Variants in MYOM2 observed in about 807,000 individuals in gnomAD.
MYOM2 encodes the protein myomesin-2.
A neutral mutation model predicts 187.6 loss-of-function variants in MYOM2; 254 were observed. That is an observed-to-expected ratio of 1.35 (90% confidence interval 1.22 to 1.50). The LOEUF is 1.50. MYOM2 is among the 40% of genes most tolerant of loss of function. The pLI, the probability that MYOM2 is intolerant of heterozygous loss-of-function variation, is 0.00. For missense variants in MYOM2, 2,796 were observed against 1,924.0 expected (o/e 1.45, Z -8.48); for synonymous variants, 981 against 753.8 (o/e 1.30, Z -4.94).
chr8:2,050,850 G>T lies in MYOM2; in HGVS notation c.84G>T (p.Leu28=), dbSNP rs759238149. ...QSYRNIQTRY[L]LDEYASKKRA... ...ACCGTAATATTCAAACACGGTACCT[G>T]CTGGACGAATATGCGTCAAAAAAGT... The change falls in exon 2 of 37, where the codon CTG becomes CTT. Residue 28 remains leucine (L), a synonymous_variant. Coordinates refer to ENST00000262113, the MANE Select transcript of MYOM2 (RefSeq NM_003970.4). 3.1e-6 allele frequency: 5 copies of T among 1,611,432 alleles called. No individual in the cohort carries two copies. The Admixed American group carries it at 6.7e-5, about 21-fold the overall frequency.
intron 14 of MYOM2, among the ~76,000 whole-genome samples, chr8:2,087,520 C>T (rs953587379): frequency 6.6e-6 from 1 of 152,238 alleles, no homozygotes; most frequent in African/African-American, 2.4e-5. Context: ...GTCAGTCCCT[C>T]TGTGGGGTCT....
chr8:2,096,571 T>A, intron 18 of MYOM2, 137 bp downstream of exon 18: 1 of 880,986 alleles, frequency 1.1e-6, no homozygotes, highest in Admixed American at 2.9e-5. Context: ...CATGAGATCA[T>A]GAAGTTTTGG....
At position 2,076,162 on chromosome 8, in the gene MYOM2, G is replaced by C. The variant is rs1819409624; in HGVS notation, c.1142G>C (p.Gly381Ala). 6.2e-7 allele frequency: 1 copy of C among 1,612,586 alleles called. No individual in the cohort carries two copies. Among genetic ancestry groups the C allele is most frequent in the East Asian group, 2.2e-5 (1 of 44,860 alleles). The change falls in exon 11 of 37, where the codon GGG becomes GCG. Residue 381 changes from glycine to alanine, a missense_variant. By Grantham distance (60) the Gly-to-Ala change is moderately conservative. Transcript: ENST00000262113. ...FVRDADPLVT[G>A]APGAPMDLQC... ...CAAGATGCTGACCCGCTGGTCACAG[G>C]GGCCCCCGGTGCACCCATGGACTTG... is the stretch of plus-strand genomic sequence containing the variant.
rs1818461385 is a variant in MYOM2 at position 2,050,867 on chromosome 8, C to T, written c.101C>T (p.Ser34Leu). The change falls in exon 2 of 37, where the codon TCA (serine) becomes TTA (leucine). Residue 34 changes from serine to leucine, a missense_variant. Physicochemically the swap from Ser to Leu is moderately radical, Grantham distance 145. Coordinates refer to ENST00000262113, the MANE Select transcript of MYOM2 (RefSeq NM_003970.4). The part of the protein sequence containing the change: ...QTRYLLDEYA[S>L]KKRASTQASS... ...CGGTACCTGCTGGACGAATATGCGT[C>T]AAAAAAGTAAGCTGACATTCGCTGA... is the stretch of plus-strand genomic sequence containing the variant. The T allele has an allele frequency of 6.8e-6, 11 of 1,608,180 alleles. No individual in the cohort carries two copies. The highest frequency in any genetic ancestry group is 8.5e-6 in the Non-Finnish European group (10 of 1,175,032).
chr8:2,056,718 C>T (rs1323201612), intron 3 of MYOM2, among the ~76,000 whole-genome samples: 1 of 152,160 alleles, frequency 6.6e-6, no homozygotes, highest in African/African-American at 2.4e-5. Flanking sequence ...AAAACTCACA[C>T]ATGGGGAGCT....
chr8:2,092,826 G>C (rs1452182405), intron 16 of MYOM2, among the ~76,000 whole-genome samples: 4 of 152,108 alleles, frequency 2.6e-5, no homozygotes, highest in African/African-American at 9.7e-5. Context: ...GTTAAAAATA[G>C]TGACTACGAT....
At chr8:2,077,068 T>A (rs955442503) in intron 11 of MYOM2, among the ~76,000 whole-genome samples, 1 of 152,146 alleles carries the variant, frequency 6.6e-6, no homozygotes, top group African/African-American at 2.4e-5. Flanking sequence ...TCCCAGCACT[T>A]TGGGAGGCCA....
At chr8:2,140,677 G>C (rs745534304) in intron 32 of MYOM2, 46 bp from the exon 33 acceptor site, 2 of 1,598,854 alleles carry the variant, frequency 1.3e-6, no homozygotes, top group Admixed American at 1.7e-5. Flanking sequence ...TTGTGCGTGT[G>C]ACATGGAGAC....
intron 20 of MYOM2, 73 bp downstream of exon 20, chr8:2,101,127 CT>C (rs1444755807): frequency 6.6e-7 from 1 of 1,509,260 alleles, no homozygotes; most frequent in Admixed American, 1.8e-5. Flanking sequence ...GGGCCAATCA[CT>C]TGAGGTCAGG....
intron 32 of MYOM2, among the ~76,000 whole-genome samples, chr8:2,133,215 C>T (rs757196300): frequency 6.6e-6 from 1 of 152,204 alleles, no homozygotes; most frequent in Non-Finnish European, 1.5e-5. Context: ...TTGTGGGGCT[C>T]TTCCCAAAGG....
intron 16 of MYOM2, 144 bp downstream of exon 16, chr8:2,092,664 T>G (rs2116738895): frequency 2.4e-6 from 2 of 826,066 alleles, no homozygotes; most frequent in Non-Finnish European, 3.6e-6. Flanking sequence ...AAGGGCTGTA[T>G]AATTTTAAAG....
intron 14 of MYOM2, among the ~76,000 whole-genome samples, chr8:2,088,284 A>T (rs1384900533): frequency 2.6e-5 from 4 of 152,202 alleles, no homozygotes; most frequent in African/African-American, 9.7e-5. Flanking sequence ...TTAAGAAAAT[A>T]TAATTTCAAC....
Position 2,140,851 on chromosome 8 carries a change from A to G in MYOM2, c.3929A>G (p.Asp1310Gly). The change falls in exon 33 of 37, where the codon GAC (aspartate) becomes GGC (glycine). Residue 1310 changes from aspartate to glycine, a missense_variant. Physicochemically the swap from Asp to Gly is moderately conservative, Grantham distance 94. Transcript: ENST00000262113. ...ACTTTTGAGATTTTCGATGGCAAAGACAACCATCAACGCTCCCTTGACCTG... is the reference window on the plus strand; with the variant it reads ...ACTTTTGAGATTTTCGATGGCAAAGGCAACCATCAACGCTCCCTTGACCTG... Reference protein sequence around the residue: ...KYTFEIFDGKDNHQRSLDLSG... With the variant: ...KYTFEIFDGKGNHQRSLDLSG... 6.2e-7 allele frequency: 1 copy of G among 1,614,104 alleles called. No homozygotes were observed.
chr8:2,130,953 A>T (rs1198293934), intron 32 of MYOM2, among the ~76,000 whole-genome samples: 1 of 152,230 alleles, frequency 6.6e-6, no homozygotes, highest in Non-Finnish European at 1.5e-5. Context: ...TATTTACAGC[A>T]TATTGTCTTG....
At chr8:2,048,077 C>T (rs908923550) in intron 1 of MYOM2, among the ~76,000 whole-genome samples, 4 of 152,226 alleles carry the variant, frequency 2.6e-5, no homozygotes, top group East Asian at 1.9e-4. Context: ...TAATAGGTCA[C>T]ATTTTGACTC....
intron 21 of MYOM2, among the ~76,000 whole-genome samples, chr8:2,104,994 T>A (rs1362005457): frequency 6.6e-6 from 1 of 152,192 alleles, no homozygotes; most frequent in Non-Finnish European, 1.5e-5. Flanking sequence ...CCCAGGCTGG[T>A]CTTGAACTCC....
In MYOM2 at chr8:2,090,040, C is replaced by A; in HGVS notation, c.1677C>A (p.Val559=). Residue 559 remains valine, a synonymous_variant, in exon 15 of 37, where the codon GTC becomes GTA. Coordinates refer to ENST00000262113, the MANE Select transcript of MYOM2 (RefSeq NM_003970.4). The part of the protein sequence containing the change: ...SVVGSGSWQR[V]NAQTAVRSPR... ...TGGGGAGCGGCAGCTGGCAGAGAGT[C>A]AACGCCCAGACGGCTGTGAGATCCC... 1.2e-6 allele frequency: 2 copies of A among 1,613,982 alleles called. No homozygotes were observed. Among genetic ancestry groups the A allele is most frequent in the Non-Finnish European group, 1.7e-6 (2 of 1,179,942 alleles).
chr8:2,114,605 G>T (rs1329392437), intron 25 of MYOM2, among the ~76,000 whole-genome samples: 1 of 152,102 alleles, frequency 6.6e-6, no homozygotes, highest in Non-Finnish European at 1.5e-5. Flanking sequence ...GAGTAGCTGG[G>T]ATTACAGGCG....
intron 30 of MYOM2, 39 bp downstream of exon 30, chr8:2,123,681 C>T: frequency 6.4e-7 from 1 of 1,558,764 alleles, no homozygotes; most frequent in South Asian, 1.1e-5. Flanking sequence ...ACAAGAAATT[C>T]CTTTCACCAA....
Sources: gnomAD v4.1 joint callset for allele counts (sites outside exome capture counted in the v4.1 genomes callset) on GRCh38, gnomAD v4.1.1 for gene constraint, MANE v1.5 for transcripts, NCBI Gene and HGNC (gene_info 2026-07-23, HGNC 2026-07-21) for gene names.